Variants in FBXW12 observed in about 807,000 individuals in gnomAD.
FBXW12 encodes the protein F-box/WD repeat-containing protein 12.
FBXW12 carries 43 observed loss-of-function variants against 55.3 expected under a neutral mutation model. The observed-to-expected ratio is 0.78, with a 90% CI of 0.61 to 1.00. The LOEUF (loss-of-function observed/expected upper bound fraction) is 1.00. FBXW12 is among the 50% of genes least tolerant of loss of function. The pLI is 0.00. For missense variants in FBXW12, 524 were observed against 560.5 expected (o/e 0.93, Z 0.66); for synonymous variants, 184 against 203.8 (o/e 0.90, Z 0.83).
rs772815973 is a variant in FBXW12 at position 48,380,841 on chromosome 3, C to A, written c.914C>A (p.Thr305Asn). ...NRITLMSQSS[T>N]GKKTEFITFD... ...ATAACACTGATGTCCCAAAGTAGCA[C>A]TGGAAAAAAGACAGAATTTATCACC... Residue 305 changes from threonine to asparagine, a missense_variant, in exon 8 of 11, where the codon ACT becomes AAT. Thr to Asn is a moderately conservative substitution (Grantham distance 65, BLOSUM62 0). Transcript: ENST00000296438. The A allele has an allele frequency of 6.2e-7, 1 of 1,614,050 alleles. No homozygotes were observed. Among genetic ancestry groups the A allele is most frequent in the East Asian group, 2.2e-5 (1 of 44,882 alleles).
chr3:48,378,295 T>A lies in FBXW12; in HGVS notation c.406-22T>A, dbSNP rs150663489. On this transcript the variant is annotated intron_variant, in intron 5 of 10. Coordinates refer to ENST00000296438, the MANE Select transcript of FBXW12 (RefSeq NM_207102.2). ...GGTGTAAGGGTTCCTTGAACACAGG[T>A]CGTGTTACTCTCGTTTTCTAGGGTA... 3.2e-6 allele frequency: 5 copies of A among 1,586,062 alleles called. No homozygotes were observed. In the East Asian group the frequency reaches 6.7e-5, roughly 21 times the overall value.
At chr3:48,380,983 A>G in intron 8 of FBXW12, 71 bp downstream of exon 8, 1 of 1,327,312 alleles carries the variant, frequency 7.5e-7, no homozygotes. Context: ...TAGCTCTAAT[A>G]AATGGGTCAG....
intron 5 of FBXW12, among the ~76,000 whole-genome samples, chr3:48,376,494 G>C (rs1208507414): frequency 6.6e-6 from 1 of 152,118 alleles, no homozygotes; most frequent in Non-Finnish European, 1.5e-5. Context: ...GCGTGCAAAG[G>C]ATTTATCTCA....
Position 48,372,720 on chromosome 3 carries a change from A to G in FBXW12, c.-48A>G. The G allele has an allele frequency of 6.2e-7, 1 of 1,613,972 alleles. No individual in the cohort carries two copies. Among genetic ancestry groups the G allele is most frequent in the South Asian group, 1.1e-5 (1 of 91,072 alleles). ...TTGGCAAAGCCTATAAATTCAGAGC[A>G]GCCCGGAGAGGAGAAAGGAAAGTGG... On this transcript the variant is annotated 5_prime_UTR_variant, in exon 2 of 11. Transcript: ENST00000296438.
At chr3:48,393,938 C>T (rs887236437) in intron 10 of FBXW12, among the ~76,000 whole-genome samples, 5 of 151,980 alleles carry the variant, frequency 3.3e-5, no homozygotes, top group East Asian at 3.9e-4. Flanking sequence ...ACCACCACGC[C>T]GACTAATTTT....
At chr3:48,373,834 C>T in intron 4 of FBXW12, 129 bp downstream of exon 4, 1 of 872,498 alleles carries the variant, frequency 1.1e-6, no homozygotes, top group Non-Finnish European at 1.7e-6. Flanking sequence ...TTGAACCAGA[C>T]TGGGTTGCCG....
At chr3:48,374,631 T>G (rs984256637) in intron 4 of FBXW12, among the ~76,000 whole-genome samples, 4 of 151,934 alleles carry the variant, frequency 2.6e-5, no homozygotes, top group Non-Finnish European at 4.4e-5. Context: ...CCCGACCATA[T>G]TTTTTAAATT....
intron 10 of FBXW12, among the ~76,000 whole-genome samples, chr3:48,390,950 A>G (rs1186322081): frequency 1.3e-5 from 2 of 151,780 alleles, no homozygotes; most frequent in African/African-American, 4.8e-5. Context: ...GCATTTTGGC[A>G]GAGTCTTTAG....
chr3:48,384,634 T>C (rs2036820225), intron 10 of FBXW12, among the ~76,000 whole-genome samples: 1 of 152,226 alleles, frequency 6.6e-6, no homozygotes, highest in Non-Finnish European at 1.5e-5. Flanking sequence ...TTATATTCAC[T>C]GTATGTTTTT....
Position 48,373,676 on chromosome 3 carries a change from A to C in FBXW12, c.257A>C (p.Asn86Thr). ...CGGTTGGCATTGGCACAGCCGCATA[A>C]CTTTATCTACAAAGTAACTAAGAAC... ...ELRLALAQPH[N>T]FIYKVTKNIA... Residue 86 changes from asparagine to threonine, a missense_variant, in exon 4 of 11, where the codon AAC (asparagine) becomes ACC (threonine). By Grantham distance (65) the Asn-to-Thr change is moderately conservative. Coordinates refer to ENST00000296438, the MANE Select transcript of FBXW12 (RefSeq NM_207102.2). The C allele has an allele frequency of 6.2e-7, 1 of 1,614,178 alleles. No individual in the cohort carries two copies. The highest frequency in any genetic ancestry group is 8.5e-7 in the Non-Finnish European group (1 of 1,179,994).
At chr3:48,379,764 A>G (rs1354811497) in intron 7 of FBXW12, 3 of 533,916 alleles carry the variant, frequency 5.6e-6, no homozygotes, top group Non-Finnish European at 9.9e-6. Flanking sequence ...TTTAACAAAA[A>G]CTCGTTCATG....
At position 48,380,791 on chromosome 3, in the gene FBXW12, C is replaced by T; in HGVS notation, c.864C>T (p.Cys288=). The part of the protein sequence containing the change: ...FLPHKLCASA[C]WTPKVKNRIT... Reference sequence around the variant, plus strand: ...CACATAAATTATGTGCCAGCGCCTGCTGGACCCCAAAGGTGAAAAACAGGA... The same window carrying T: ...CACATAAATTATGTGCCAGCGCCTGTTGGACCCCAAAGGTGAAAAACAGGA... Residue 288 remains cysteine, a synonymous_variant, in exon 8 of 11, where the codon TGC becomes TGT. Coordinates refer to ENST00000296438, the MANE Select transcript of FBXW12 (RefSeq NM_207102.2). 1 of 1,614,148 alleles carries T rather than the reference C, an allele frequency of 6.2e-7. No homozygotes were observed. Among genetic ancestry groups the T allele is most frequent in the Non-Finnish European group, 8.5e-7 (1 of 1,179,992 alleles).
intron 5 of FBXW12, among the ~76,000 whole-genome samples, chr3:48,376,053 C>T (rs2036681459): frequency 7.4e-6 from 1 of 134,548 alleles, no homozygotes; most frequent in African/African-American, 2.8e-5. Context: ...GCGATCTCAG[C>T]TCACTGCAAC....
intron 10 of FBXW12, among the ~76,000 whole-genome samples, chr3:48,389,763 C>G (rs1233027112): frequency 6.6e-6 from 1 of 152,124 alleles, no homozygotes; most frequent in African/African-American, 2.4e-5. Flanking sequence ...AAATTCTTTC[C>G]CAAAGCCAAC....
chr3:48,373,057 C>T (rs546348487), intron 2 of FBXW12, among the ~76,000 whole-genome samples, 200 bp downstream of exon 2: 1 of 152,264 alleles, frequency 6.6e-6, no homozygotes, highest in South Asian at 2.1e-4. Context: ...CCTTGAGGCT[C>T]CCATTTCAAG....
At chr3:48,375,011 C>A (rs1196347666) in intron 4 of FBXW12, among the ~76,000 whole-genome samples, 1 of 152,140 alleles carries the variant, frequency 6.6e-6, no homozygotes, top group Non-Finnish European at 1.5e-5. Context: ...GATCCACCTA[C>A]CTCAGCTTCC....
chr3:48,374,784 TTTAA>T (rs1180371565), intron 4 of FBXW12, among the ~76,000 whole-genome samples: 1 of 142,536 alleles, frequency 7.0e-6, no homozygotes, highest in African/African-American at 2.6e-5. Context: ...TTTTTTTTTT[TTTAA>T]AAACAGAGTC....
chr3:48,375,222 C>G, intron 4 of FBXW12, 132 bp from the exon 5 acceptor site: 1 of 649,398 alleles, frequency 1.5e-6, no homozygotes, highest in Non-Finnish European at 2.7e-6. Context: ...GACTCTGGAG[C>G]CCAATTTCTA....
At chr3:48,374,193 G>A (rs2036648155) in intron 4 of FBXW12, among the ~76,000 whole-genome samples, 6 of 152,076 alleles carry the variant, frequency 3.9e-5, no homozygotes, top group Admixed American at 3.3e-4. Context: ...CTGGGTGACA[G>A]GGCCAGACCC....
Sources: gnomAD v4.1 joint callset for allele counts (sites outside exome capture counted in the v4.1 genomes callset) on GRCh38, gnomAD v4.1.1 for gene constraint, MANE v1.5 for transcripts, NCBI Gene and HGNC (gene_info 2026-07-23, HGNC 2026-07-21) for gene names.